The following TEAD1 variants were observed in gnomAD, a reference collection of about 807,000 sequenced individuals.
The protein encoded by TEAD1 is transcriptional enhancer factor TEF-1.
A neutral mutation model predicts 54.9 loss-of-function variants in TEAD1; 9 were observed. The ratio of observed to expected loss-of-function variants is 0.16; its 90% confidence interval spans 0.10 to 0.29. The LOEUF is 0.29. TEAD1 is among the 10% of genes least tolerant of loss of function. The probability of loss-of-function intolerance (pLI) is 1.00; values close to 1 mark genes in which losing one functional copy is unlikely to be tolerated. For missense variants in TEAD1, 387 were observed against 535.9 expected, an observed-to-expected ratio of 0.72 and a Z score of 2.74; for synonymous variants, 200 against 187.8, an observed-to-expected ratio of 1.07 and a Z score of -0.53.
At chr11:12,709,346 TA>T (rs60875630) in intron 2 of TEAD1, among the ~76,000 whole-genome samples, 30,587 of 144,694 alleles carry the variant, frequency 0.21, 5,302 homozygotes, top group African/African-American at 0.48. Flanking sequence ...TCAAAAAAAA[TA>T]AAAAAAAAAA....
chr11:12,924,992 G>A lies in TEAD1; in HGVS notation c.954G>A (p.Met318Ile), dbSNP rs1268057892. 2.5e-6 allele frequency: 4 copies of A among 1,614,052 alleles called. No homozygotes were observed. The highest frequency in any genetic ancestry group is 3.4e-6 in the Non-Finnish European group (4 of 1,180,050). ...GTCAGTACGAGAGTTCTGAAAATATGACAGTCACCTGTTCCACCAAAGTTT... is the reference window on the plus strand; with the variant it reads ...GTCAGTACGAGAGTTCTGAAAATATAACAGTCACCTGTTCCACCAAAGTTT... The change falls in exon 11 of 13, where the codon ATG (methionine) becomes ATA (isoleucine). Residue 318 changes from methionine to isoleucine, a missense_variant. By Grantham distance (10) the Met-to-Ile change is conservative. This residue lies in a region of TEAD1 where 123 missense variants were observed against 199.0 expected (regional missense o/e 0.62). Coordinates refer to ENST00000527636, the MANE Select transcript of TEAD1 (RefSeq NM_021961.6).
At position 12,943,343 on chromosome 11, in the gene TEAD1, T is replaced by A. The variant is rs1236908835; in HGVS notation, c.*6121T>A. The A allele has an allele frequency of 1.3e-5, 2 of 152,680 alleles. No homozygotes were observed. Among genetic ancestry groups the A allele is most frequent in the Non-Finnish European group, 2.9e-5 (2 of 68,040 alleles). The allele number at this position is 152,680 out of a possible 1,614,324, so 9.5% of individuals were successfully genotyped here. On this transcript the variant is annotated 3_prime_UTR_variant, in exon 13 of 13. Coordinates refer to ENST00000527636, the MANE Select transcript of TEAD1 (RefSeq NM_021961.6). Reference sequence around the variant, plus strand: ...TCCTGCTTCTCTTTTCAACTGTTACTGTGCTTTGTTTGAAAGTAGTTTTCT... The same window carrying A: ...TCCTGCTTCTCTTTTCAACTGTTACAGTGCTTTGTTTGAAAGTAGTTTTCT...
intron 5 of TEAD1, among the ~76,000 whole-genome samples, chr11:12,871,480 C>T (rs1947744170): frequency 6.6e-6 from 1 of 152,318 alleles, no homozygotes; most frequent in East Asian, 1.9e-4. Flanking sequence ...GAAGCATTCT[C>T]CATGTGTTAA....
At chr11:12,851,626 G>GT (rs1391384123) in intron 3 of TEAD1, among the ~76,000 whole-genome samples, 2 of 151,846 alleles carry the variant, frequency 1.3e-5, no homozygotes, top group Admixed American at 1.3e-4. Flanking sequence ...AAACCCCCTT[G>GT]TGTCTCTACT....
At chr11:12,844,779 A>G (rs938939310) in intron 3 of TEAD1, among the ~76,000 whole-genome samples, 1 of 152,082 alleles carries the variant, frequency 6.6e-6, no homozygotes, top group Non-Finnish European at 1.5e-5. Context: ...GGGCTTACCC[A>G]ACGATTGATA....
chr11:12,719,970 T>G (rs1564917623), intron 2 of TEAD1, among the ~76,000 whole-genome samples: 2 of 63,792 alleles, frequency 3.1e-5, no homozygotes, highest in African/African-American at 1.1e-4. Context: ...TTTTTTTTTT[T>G]TTTTTTTTTT....
At chr11:12,899,774 C>T (rs961142628) in intron 9 of TEAD1, among the ~76,000 whole-genome samples, 2 of 152,092 alleles carry the variant, frequency 1.3e-5, no homozygotes, top group Admixed American at 1.3e-4. Context: ...CACCTGATAC[C>T]TTTTAGGATT....
intron 3 of TEAD1, among the ~76,000 whole-genome samples, chr11:12,817,311 A>G (rs899342609): frequency 3.3e-5 from 5 of 152,224 alleles, no homozygotes; most frequent in African/African-American, 1.2e-4. Flanking sequence ...GATGAGAATA[A>G]ACATTTAGTG....
At chr11:12,832,525 C>T (rs1946804134) in intron 3 of TEAD1, among the ~76,000 whole-genome samples, 1 of 152,218 alleles carries the variant, frequency 6.6e-6, no homozygotes, top group Non-Finnish European at 1.5e-5. Flanking sequence ...TTGCACTAAT[C>T]ATTAATAACT....
chr11:12,878,363 C>T (rs530347598), intron 5 of TEAD1, among the ~76,000 whole-genome samples: 1 of 152,308 alleles, frequency 6.6e-6, no homozygotes, highest in East Asian at 1.9e-4. Context: ...GAAGCACCCT[C>T]TCTGCTGGTA....
chr11:12,883,221 C>G, intron 9 of TEAD1, 96 bp downstream of exon 9: 1 of 1,573,168 alleles, frequency 6.4e-7, no homozygotes, highest in African/African-American at 1.3e-5. Context: ...TTACCCCGCC[C>G]CATGCCTGAC....
chr11:12,694,784 A>G (rs1943544164), intron 2 of TEAD1, among the ~76,000 whole-genome samples: 1 of 152,200 alleles, frequency 6.6e-6, no homozygotes, highest in Non-Finnish European at 1.5e-5. Context: ...GATTTGAGAA[A>G]ATGGGACTGA....
chr11:12,839,856 CATT>C (rs1267340709), intron 3 of TEAD1, among the ~76,000 whole-genome samples: 8 of 152,168 alleles, frequency 5.3e-5, no homozygotes, highest in Non-Finnish European at 1.2e-4. Flanking sequence ...TGGTAAGACT[CATT>C]AATCTAAGAA....
At chr11:12,878,515 A>G (rs755288463) in intron 5 of TEAD1, among the ~76,000 whole-genome samples, 9 of 152,090 alleles carry the variant, frequency 5.9e-5, no homozygotes, top group Non-Finnish European at 8.8e-5. Flanking sequence ...GGTAGCCTTT[A>G]TATGCCTACG....
chr11:12,813,055 C>G (rs1056817933), intron 3 of TEAD1, among the ~76,000 whole-genome samples: 10 of 152,188 alleles, frequency 6.6e-5, no homozygotes, highest in African/African-American at 2.4e-4. Context: ...GAACTTTTAT[C>G]AGTGAGCAGA....
chr11:12,759,586 G>A (rs1945060000), intron 2 of TEAD1, among the ~76,000 whole-genome samples: 1 of 152,154 alleles, frequency 6.6e-6, no homozygotes, highest in Admixed American at 6.5e-5. Flanking sequence ...TTTCCAGCTG[G>A]GCGCGGTGGC....
At chr11:12,702,913 G>A (rs879531355) in intron 2 of TEAD1, among the ~76,000 whole-genome samples, 4 of 152,184 alleles carry the variant, frequency 2.6e-5, no homozygotes, top group African/African-American at 9.7e-5. Flanking sequence ...GAAGGAGGTA[G>A]TAATATCAGC....
In TEAD1 at chr11:12,711,886, C is replaced by T. The variant is rs374594156; in HGVS notation, c.-55+36325C>T. Among the ~76,000 whole-genome samples the T allele has an allele frequency of 5.9e-5, 9 of 152,256 alleles. No homozygotes were observed. In the East Asian group the frequency reaches 9.7e-4, roughly 16 times the overall value. Reference sequence around the variant, plus strand: ...CTGTCCTGATTGCTGGTCCCTGACTCTTGGTTAGGCTGTATCAAGCTTCCT... The same window carrying T: ...CTGTCCTGATTGCTGGTCCCTGACTTTTGGTTAGGCTGTATCAAGCTTCCT... On this transcript the variant is annotated intron_variant, in intron 2 of 12. Coordinates refer to ENST00000527636, the MANE Select transcript of TEAD1 (RefSeq NM_021961.6).
Position 12,682,289 on chromosome 11 carries a change from T to C in TEAD1, c.-55+6728T>C, listed in dbSNP as rs567455843. On this transcript the variant is annotated intron_variant, in intron 2 of 12. Coordinates refer to ENST00000527636, the MANE Select transcript of TEAD1 (RefSeq NM_021961.6). ...GATAAGCCTGCACAAAACTAAGGTCTCACCTTTCGATCCAGGGGAAGCAAT... is the reference window on the plus strand; with the variant it reads ...GATAAGCCTGCACAAAACTAAGGTCCCACCTTTCGATCCAGGGGAAGCAAT... 3.3e-5 allele frequency among the ~76,000 whole-genome samples: 5 copies of C among 152,352 alleles called. No homozygotes were observed. In the East Asian group the frequency reaches 9.6e-4, roughly 29 times the overall value.
Sources: allele counts gnomAD v4.1 joint callset (sites outside exome capture counted in the v4.1 genomes callset), GRCh38; gene constraint gnomAD v4.1.1; regional missense constraint gnomAD v4.1.1; transcripts MANE v1.5; gene names NCBI Gene and HGNC (gene_info 2026-07-23, HGNC 2026-07-21).